The following KDM4C variants were observed in gnomAD, a reference collection of about 807,000 sequenced individuals.
KDM4C encodes the protein lysine demethylase 4C.
A neutral mutation model predicts 129.3 loss-of-function variants in KDM4C; 81 were observed. The ratio of observed to expected loss-of-function variants is 0.63; its 90% CI spans 0.52 to 0.75. The LOEUF (loss-of-function observed/expected upper bound fraction) is 0.75. Ranked by LOEUF, KDM4C falls within the 30% of genes least tolerant of loss-of-function variation. The pLI, the probability that KDM4C is intolerant of heterozygous loss-of-function variation, is 0.00. For missense variants in KDM4C, 1,457 were observed against 1,304.0 expected, an observed-to-expected ratio of 1.12 and a Z score of -1.81; for synonymous variants, 573 against 456.1, an observed-to-expected ratio of 1.26 and a Z score of -3.26.
At chr9:7,038,493 T>A (rs1828022393) in intron 15 of KDM4C, among the ~76,000 whole-genome samples, 1 of 152,118 alleles carries the variant, frequency 6.6e-6, no homozygotes, top group African/African-American at 2.4e-5. Flanking sequence ...GCTGTGGATT[T>A]ACCATGTCGT....
intron 8 of KDM4C, among the ~76,000 whole-genome samples, chr9:6,967,477 T>G (rs1004381766): frequency 6.6e-6 from 1 of 151,558 alleles, no homozygotes; most frequent in African/African-American, 2.4e-5. Context: ...ATATGCAAGA[T>G]TAAAACGTTC....
chr9:6,873,945 A>C (rs899224764), intron 5 of KDM4C, among the ~76,000 whole-genome samples: 5 of 131,044 alleles, frequency 3.8e-5, no homozygotes, highest in East Asian at 3.9e-4. Flanking sequence ...AGAGAGCGAG[A>C]GAGAGAGAGA....
At chr9:6,827,602 A>C (rs985966079) in intron 4 of KDM4C, among the ~76,000 whole-genome samples, 4 of 152,214 alleles carry the variant, frequency 2.6e-5, no homozygotes, top group African/African-American at 9.6e-5. Context: ...GAGGTAAAAC[A>C]GTTTAAACGG....
intron 6 of KDM4C, among the ~76,000 whole-genome samples, chr9:6,886,080 G>T (rs868842240): frequency 1.3e-5 from 2 of 152,154 alleles, no homozygotes; most frequent in African/African-American, 2.4e-5. Context: ...TTATAAAAAC[G>T]TTCCCATGGA....
At chr9:6,751,504 C>G (rs1486342311) in intron 1 of KDM4C, among the ~76,000 whole-genome samples, 1 of 152,086 alleles carries the variant, frequency 6.6e-6, no homozygotes, top group Non-Finnish European at 1.5e-5. Context: ...TATAGCTGAT[C>G]TCTTGATGGA....
intron 15 of KDM4C, among the ~76,000 whole-genome samples, chr9:7,035,086 C>A (rs1206938691): frequency 6.6e-6 from 1 of 151,832 alleles, no homozygotes; most frequent in African/African-American, 2.4e-5. Flanking sequence ...TCTCTCAGCT[C>A]ACTGTATTCT....
Position 6,915,409 on chromosome 9 carries a change from C to G in KDM4C, c.921+22177C>G, listed in dbSNP as rs185921760. On this transcript the variant is annotated intron_variant, in intron 8 of 21. Coordinates refer to ENST00000381309, the MANE Select transcript of KDM4C (RefSeq NM_015061.6). ...TCATTTTTGCTGTATTGTCTTCTCA[C>G]TACTACTGTGATGAACACTTGGAGA... is the stretch of plus-strand genomic sequence containing the variant. Among the ~76,000 whole-genome samples the G allele has an allele frequency of 4.0e-4, 61 of 152,314 alleles. 1 individual carries two copies. The highest frequency in any genetic ancestry group is 3.9e-3 in the Admixed American group (60 of 15,302).
intron 4 of KDM4C, among the ~76,000 whole-genome samples, chr9:6,845,420 G>T (rs536516608): frequency 6.6e-6 from 1 of 152,172 alleles, no homozygotes; most frequent in African/African-American, 2.4e-5. Flanking sequence ...TCACTGTGTT[G>T]CCCAGGGTGA....
At chr9:6,877,706 T>C (rs560666350) in intron 5 of KDM4C, among the ~76,000 whole-genome samples, 20 of 152,198 alleles carry the variant, frequency 1.3e-4, no homozygotes, top group Non-Finnish European at 2.6e-4. Flanking sequence ...GTGCTCTGAT[T>C]TTATTGTTCA....
At chr9:6,970,850 C>A (rs1175699073) in intron 8 of KDM4C, among the ~76,000 whole-genome samples, 3 of 118,778 alleles carry the variant, frequency 2.5e-5, no homozygotes, top group Non-Finnish European at 4.8e-5. Flanking sequence ...CTCTTAGGAA[C>A]AACTCATGGA....
At chr9:6,865,945 G>C (rs1841886013) in intron 5 of KDM4C, among the ~76,000 whole-genome samples, 1 of 152,034 alleles carries the variant, frequency 6.6e-6, no homozygotes. Flanking sequence ...AGTAGAGACA[G>C]GGTTTCCCCG....
At position 6,986,670 on chromosome 9, in the gene KDM4C, T is replaced by A. The variant is rs1226934670; in HGVS notation, c.1677+4T>A. The A allele has an allele frequency of 6.3e-7, 1 of 1,585,966 alleles. No individual in the cohort carries two copies. Among genetic ancestry groups the A allele is most frequent in the African/African-American group, 1.3e-5 (1 of 74,232 alleles). ...AAATAGCTTCAAAGTCCCCAGTGTA[T>A]GTGGCAATATCCATTTTTTACCATA... On this transcript the variant is annotated splice_donor_region_variant and intron_variant, in intron 11 of 21. Transcript: ENST00000381309.
chr9:7,091,376 C>A (rs1205974123), intron 17 of KDM4C, among the ~76,000 whole-genome samples: 2 of 151,932 alleles, frequency 1.3e-5, no homozygotes, highest in Non-Finnish European at 2.9e-5. Context: ...GAGTACAATA[C>A]TTTTTCCACT....
In KDM4C at chr9:6,797,022, C is replaced by A. The variant is rs57322723; in HGVS notation, c.144+3890C>A. Among the ~76,000 whole-genome samples, 22 of 151,600 alleles carry A rather than the reference C, an allele frequency of 1.5e-4. No homozygotes were observed. The South Asian group carries it at 4.4e-3, about 30-fold the overall frequency. ...TTTTTTTTTTGAGACAGGGTCTTGC[C>A]CTGTTAGGCTGGGTGGTGTGATCGT... On this transcript the variant is annotated intron_variant, in intron 2 of 21. Transcript: ENST00000381309.
intron 17 of KDM4C, chr9:7,076,728 G>T: frequency 8.3e-7 from 1 of 1,200,472 alleles, no homozygotes; most frequent in Non-Finnish European, 1.0e-6. Context: ...TTCCTATGTG[G>T]GGTAAAATGA....
At chr9:7,160,729 A>T (rs769803684) in intron 19 of KDM4C, among the ~76,000 whole-genome samples, 1 of 152,096 alleles carries the variant, frequency 6.6e-6, no homozygotes, top group African/African-American at 2.4e-5. Flanking sequence ...AGCCACCTAT[A>T]TGAGGTGTCT....
intron 1 of KDM4C, among the ~76,000 whole-genome samples, chr9:6,743,074 T>C (rs919327754): frequency 2.6e-4 from 39 of 152,068 alleles, no homozygotes; most frequent in African/African-American, 8.5e-4. Flanking sequence ...CAAACATAAG[T>C]GTGGCTTTTA....
chr9:7,145,688 C>T (rs1336074645), intron 19 of KDM4C, among the ~76,000 whole-genome samples: 1 of 152,222 alleles, frequency 6.6e-6, no homozygotes, highest in African/African-American at 2.4e-5. Context: ...CTTCGGAACA[C>T]CCAGGAGCCT....
chr9:7,022,198 T>C (rs896875202), intron 15 of KDM4C, among the ~76,000 whole-genome samples: 2 of 152,208 alleles, frequency 1.3e-5, no homozygotes, highest in South Asian at 2.1e-4. Flanking sequence ...AGAATGTCTT[T>C]AGTATTTTGA....
Sources: allele counts gnomAD v4.1 joint callset (sites outside exome capture counted in the v4.1 genomes callset), GRCh38; gene constraint gnomAD v4.1.1; transcripts MANE v1.5; gene names NCBI Gene and HGNC (gene_info 2026-07-23, HGNC 2026-07-21).